Variants in PSEN1 observed in about 807,000 individuals in gnomAD.
PSEN1 encodes the protein presenilin-1.
Under a neutral mutation model 53.5 loss-of-function variants are expected in PSEN1, and 15 were observed. The ratio of observed to expected loss-of-function variants is 0.28; its 90% CI spans 0.19 to 0.43. The LOEUF (loss-of-function observed/expected upper bound fraction) is 0.43, where lower values mean the gene tolerates loss of function less well. PSEN1 is among the 20% of genes least tolerant of loss of function. The pLI, the probability that PSEN1 is intolerant of heterozygous loss-of-function variation, is 1.00. For synonymous variants in PSEN1, 208 were observed against 209.8 expected (o/e 0.99, Z 0.08); for missense variants, 387 against 571.2 (o/e 0.68, Z 3.29).
At chr14:73,218,913 TA>T (rs1003686232) in intron 11 of PSEN1, among the ~76,000 whole-genome samples, 7 of 152,240 alleles carry the variant, frequency 4.6e-5, no homozygotes, top group Non-Finnish European at 8.8e-5. Context: ...AATTAAGGGA[TA>T]AAATAACAAT....
At chr14:73,143,095 G>A (rs549421462) in intron 1 of PSEN1, among the ~76,000 whole-genome samples, 20 of 152,160 alleles carry the variant, frequency 1.3e-4, no homozygotes, top group Non-Finnish European at 2.8e-4. Context: ...CTTTTGCCAC[G>A]CTGCCTGAAC....
chr14:73,177,955 C>T (rs955004296), intron 5 of PSEN1, among the ~76,000 whole-genome samples: 2 of 151,748 alleles, frequency 1.3e-5, no homozygotes, highest in Non-Finnish European at 2.9e-5. Context: ...TTCTGTACCA[C>T]ATTCTTTACT....
At position 73,192,746 on chromosome 14, in the gene PSEN1, T is replaced by C; in HGVS notation, c.651T>C (p.Gly217=). The part of the protein sequence containing the change: ...VVGMISIHWK[G]PLRLQQAYLI... ...GAATGATTTCCATTCACTGGAAAGG[T>C]CCACTTCGACTCCAGCAGGCATATC... The change falls in exon 7 of 12, where the codon GGT becomes GGC. Residue 217 remains glycine, a synonymous_variant. Coordinates refer to ENST00000324501, the MANE Select transcript of PSEN1 (RefSeq NM_000021.4). 2.5e-6 allele frequency: 4 copies of C among 1,614,010 alleles called. No homozygotes were observed. Among genetic ancestry groups the C allele is most frequent in the Non-Finnish European group, 3.4e-6 (4 of 1,179,882 alleles).
intron 10 of PSEN1, 151 bp from the exon 11 acceptor site, chr14:73,216,975 G>T (rs749201327): frequency 2.3e-6 from 2 of 871,946 alleles, no homozygotes; most frequent in Non-Finnish European, 3.7e-6. Context: ...AACCAAAAAA[G>T]AAAGAAAACA....
chr14:73,147,189 T>G (rs924360349), intron 1 of PSEN1, among the ~76,000 whole-genome samples: 3 of 152,152 alleles, frequency 2.0e-5, no homozygotes, highest in African/African-American at 7.2e-5. Flanking sequence ...TTTCGCCATG[T>G]TGGTCAGGCT....
chr14:73,172,041 TGA>T (rs1184903756), intron 4 of PSEN1, among the ~76,000 whole-genome samples: 1 of 152,228 alleles, frequency 6.6e-6, no homozygotes, highest in Non-Finnish European at 1.5e-5. Flanking sequence ...GTGAGGGTAC[TGA>T]GTCTCCAGGG....
Position 73,219,196 on chromosome 14 carries a change from C to T in PSEN1, c.1311C>T (p.Ile437=), listed in dbSNP as rs201453174. The change falls in exon 12 of 12, where the codon ATC becomes ATT. Residue 437 remains isoleucine, a synonymous_variant. Coordinates refer to ENST00000324501, the MANE Select transcript of PSEN1 (RefSeq NM_000021.4). ...IFKKALPALP[I]SITFGLVFYF... ...AGAAAGCATTGCCAGCTCTTCCAAT[C>T]TCCATCACCTTTGGGCTTGTTTTCT... is the stretch of plus-strand genomic sequence containing the variant. 35 of 1,613,628 alleles carry T rather than the reference C, an allele frequency of 2.2e-5. No individual in the cohort carries two copies. Among genetic ancestry groups the T allele is most frequent in the Middle Eastern group, 1.6e-4 (1 of 6,082 alleles).
At chr14:73,143,988 TAAAAAA>T (rs530235019) in intron 1 of PSEN1, among the ~76,000 whole-genome samples, 1 of 53,196 alleles carries the variant, frequency 1.9e-5, no homozygotes, top group Non-Finnish European at 3.0e-5. Context: ...CCTTGTCTCT[TAAAAAA>T]AAAAAAAAAA....
intron 3 of PSEN1, among the ~76,000 whole-genome samples, chr14:73,154,617 G>A (rs1049865620): frequency 6.6e-6 from 1 of 152,048 alleles, no homozygotes; most frequent in Non-Finnish European, 1.5e-5. Context: ...AGAAAAAAAT[G>A]TGTGGCAAAA....
In PSEN1 at chr14:73,148,106, G is replaced by C; in HGVS notation, c.87G>C (p.Gln29His). ...ACCTGAGCAATACTGTACGTAGCCA[G>C]GTACAGTGTCAGTCTCTGAAACTGC... ...DNHLSNTVRS[Q>H]NDNRERQEHN... The change falls in exon 3 of 12, where the codon CAG becomes CAC. Residue 29 changes from glutamine to histidine, a missense_variant and splice_region_variant. By Grantham distance (24) the Gln-to-His change is conservative. Transcript: ENST00000324501. 6.2e-7 allele frequency: 1 copy of C among 1,609,496 alleles called. No homozygotes were observed. The highest frequency in any genetic ancestry group is 8.5e-7 in the Non-Finnish European group (1 of 1,176,070).
intron 5 of PSEN1, among the ~76,000 whole-genome samples, chr14:73,175,521 T>C (rs895358079): frequency 2.6e-5 from 4 of 152,224 alleles, no homozygotes; most frequent in African/African-American, 9.6e-5. Context: ...GAGTCTACTC[T>C]GTTTCCTTCT....
intron 6 of PSEN1, among the ~76,000 whole-genome samples, chr14:73,189,360 C>T (rs552984671): frequency 6.6e-6 from 1 of 152,256 alleles, no homozygotes; most frequent in Admixed American, 6.5e-5. Flanking sequence ...CCTGTAATCC[C>T]AGCACTTTGG....
intron 3 of PSEN1, among the ~76,000 whole-genome samples, chr14:73,159,074 A>G (rs1317428515): frequency 6.6e-6 from 1 of 151,844 alleles, no homozygotes; most frequent in Non-Finnish European, 1.5e-5. Flanking sequence ...TTTAAGAATT[A>G]TTTACATAGT....
chr14:73,218,474 C>A (rs1324333168), intron 11 of PSEN1, among the ~76,000 whole-genome samples: 3 of 152,140 alleles, frequency 2.0e-5, no homozygotes, highest in African/African-American at 4.8e-5. Flanking sequence ...TGAAGACTTT[C>A]TAGTGTTTCC....
At chr14:73,190,718 T>A (rs1480705773) in intron 6 of PSEN1, among the ~76,000 whole-genome samples, 1 of 152,108 alleles carries the variant, frequency 6.6e-6, no homozygotes, top group Non-Finnish European at 1.5e-5. Context: ...AGACCCCATC[T>A]CAAGAAAAAG....
At chr14:73,165,324 C>T (rs886200168) in intron 3 of PSEN1, among the ~76,000 whole-genome samples, 2 of 152,152 alleles carry the variant, frequency 1.3e-5, no homozygotes, top group Non-Finnish European at 2.9e-5. Context: ...TGTCTCACTA[C>T]ATTCCCTGGC....
chr14:73,211,108 C>G (rs906522814), intron 9 of PSEN1, among the ~76,000 whole-genome samples: 3 of 152,172 alleles, frequency 2.0e-5, no homozygotes, highest in African/African-American at 7.2e-5. Context: ...AAAAGCCCAA[C>G]TCAGTTGCCT....
intron 7 of PSEN1, among the ~76,000 whole-genome samples, chr14:73,197,134 C>T (rs942913942): frequency 2.0e-5 from 3 of 151,992 alleles, no homozygotes; most frequent in Non-Finnish European, 2.9e-5. Flanking sequence ...AGGGTTTCAC[C>T]GTGTTAGCCA....
intron 4 of PSEN1, among the ~76,000 whole-genome samples, chr14:73,173,263 G>C (rs1337913190): frequency 2.0e-5 from 3 of 152,030 alleles, no homozygotes; most frequent in Non-Finnish European, 1.5e-5. Context: ...ATAAGCTGTA[G>C]CCAAAAAAAT....
Sources: allele counts gnomAD v4.1 joint callset (sites outside exome capture counted in the v4.1 genomes callset), GRCh38; gene constraint gnomAD v4.1.1; transcripts MANE v1.5; gene names NCBI Gene and HGNC (gene_info 2026-07-23, HGNC 2026-07-21).